The following CCSER1 variants were observed in gnomAD, a reference collection of about 807,000 sequenced individuals.
CCSER1 encodes coiled-coil serine rich protein 1.
A neutral mutation model predicts 82.0 loss-of-function variants in CCSER1; 41 were observed. The observed-to-expected ratio is 0.50, with a 90% CI of 0.39 to 0.65. CCSER1 has a LOEUF of 0.65. Among genes scored for constraint, CCSER1 ranks in the 30% least tolerant of loss-of-function variants. CCSER1 has a pLI of 0.00. For synonymous variants in CCSER1, 414 were observed against 383.9 expected, an observed-to-expected ratio of 1.08 and a Z score of -0.92; for missense variants, 1,119 against 1,064.2, an observed-to-expected ratio of 1.05 and a Z score of -0.72.
At chr4:91,264,843 T>G (rs547754235) in intron 10 of CCSER1, among the ~76,000 whole-genome samples, 45 of 152,076 alleles carry the variant, frequency 3.0e-4, no homozygotes, top group African/African-American at 1.1e-3. Flanking sequence ...TGATTATAAG[T>G]AGGAGGGTAA....
At chr4:90,701,599 G>C (rs769968096) in intron 6 of CCSER1, among the ~76,000 whole-genome samples, 9 of 152,132 alleles carry the variant, frequency 5.9e-5, no homozygotes, top group African/African-American at 1.7e-4. Flanking sequence ...TCACGATATT[G>C]ATTCTTCCTA....
At chr4:91,521,075 C>T (rs546417193) in intron 10 of CCSER1, among the ~76,000 whole-genome samples, 12 of 152,162 alleles carry the variant, frequency 7.9e-5, no homozygotes, top group South Asian at 6.2e-4. Flanking sequence ...TGATGTTCCC[C>T]GCAATGTGTC....
At chr4:90,304,709 T>G (rs1378340054) in intron 1 of CCSER1, among the ~76,000 whole-genome samples, 1 of 151,874 alleles carries the variant, frequency 6.6e-6, no homozygotes, top group Non-Finnish European at 1.5e-5. Context: ...GATGACAAGT[T>G]AATGGGTGCA....
chr4:90,198,052 C>A (rs114466869), intron 1 of CCSER1, among the ~76,000 whole-genome samples: 1 of 152,090 alleles, frequency 6.6e-6, no homozygotes, highest in Non-Finnish European at 1.5e-5. Flanking sequence ...TAAACATATA[C>A]ACCTATTATG....
rs1041369442 is a variant in CCSER1, at chr4:91,604,512, C to T, written c.*5455C>T. The T allele has an allele frequency of 6.6e-6, 1 of 151,938 alleles. No homozygotes were observed. The highest frequency in any genetic ancestry group is 1.5e-5 in the Non-Finnish European group (1 of 67,926). 9.4% of individuals were successfully genotyped at this position (151,938 alleles called of 1,614,324 possible). A position where few individuals can be genotyped will look rare whatever the true frequency, so the allele number is the denominator to read the frequency against. On this transcript the variant is annotated 3_prime_UTR_variant, in exon 11 of 11. Coordinates refer to ENST00000509176, the MANE Select transcript of CCSER1 (RefSeq NM_001145065.2). ...CTCTTGAAAGCAATTAGAAAAAATG[C>T]TAAGAAATGATTTTATATTTTTTAA...
chr4:90,568,803 C>T (rs1159382024), intron 5 of CCSER1, among the ~76,000 whole-genome samples: 2 of 150,296 alleles, frequency 1.3e-5, no homozygotes, highest in Admixed American at 6.6e-5. Context: ...CACTCTGTCG[C>T]CCAGGCTGCA....
intron 4 of CCSER1, among the ~76,000 whole-genome samples, chr4:90,433,228 T>C (rs1278003514): frequency 6.6e-6 from 1 of 152,134 alleles, no homozygotes; most frequent in Non-Finnish European, 1.5e-5. Flanking sequence ...CCATTATAAT[T>C]AATCTCAACA....
intron 5 of CCSER1, among the ~76,000 whole-genome samples, chr4:90,555,851 A>AT (rs954247761): frequency 5.3e-5 from 8 of 152,076 alleles, no homozygotes; most frequent in Non-Finnish European, 8.8e-5. Context: ...TACATCTTAG[A>AT]TTTCATAATA....
At chr4:91,483,137 G>GA (rs946680007) in intron 10 of CCSER1, among the ~76,000 whole-genome samples, 25 of 145,292 alleles carry the variant, frequency 1.7e-4, no homozygotes, top group South Asian at 8.7e-4. Context: ...TGACTTCCCA[G>GA]AAAAAAAAAA....
chr4:90,926,257 T>C (rs1729052394), intron 9 of CCSER1, among the ~76,000 whole-genome samples: 1 of 152,032 alleles, frequency 6.6e-6, no homozygotes, highest in Non-Finnish European at 1.5e-5. Context: ...AAATTGTGTT[T>C]ATTCAAAAAC....
chr4:91,603,049 G>T lies in CCSER1; in HGVS notation c.*3992G>T, dbSNP rs926118004. Reference sequence around the variant, plus strand: ...AAAACATGTCTTGTTTCTTTCTCATGTGGTAAATTTATCATGACAACTCTA... The same window carrying T: ...AAAACATGTCTTGTTTCTTTCTCATTTGGTAAATTTATCATGACAACTCTA... On this transcript the variant is annotated 3_prime_UTR_variant, in exon 11 of 11. Coordinates refer to ENST00000509176, the MANE Select transcript of CCSER1 (RefSeq NM_001145065.2). Among the ~76,000 whole-genome samples, 1 of 151,908 alleles carries T rather than the reference G, an allele frequency of 6.6e-6. No individual in the cohort carries two copies. The highest frequency in any genetic ancestry group is 2.4e-5 in the African/African-American group (1 of 41,384).
intron 4 of CCSER1, among the ~76,000 whole-genome samples, chr4:90,400,681 T>A (rs1752721336): frequency 6.6e-6 from 1 of 152,182 alleles, no homozygotes; most frequent in Non-Finnish European, 1.5e-5. Context: ...TTGAATGACT[T>A]GAGGGAGCCT....
intron 1 of CCSER1, among the ~76,000 whole-genome samples, chr4:90,166,962 G>C (rs192745650): frequency 6.6e-6 from 1 of 151,730 alleles, no homozygotes; most frequent in East Asian, 1.9e-4. Flanking sequence ...TGAGATAATT[G>C]CTTGTTGGAA....
intron 1 of CCSER1, among the ~76,000 whole-genome samples, chr4:90,139,910 G>T (rs1724421212): frequency 6.6e-6 from 1 of 152,104 alleles, no homozygotes; most frequent in South Asian, 2.1e-4. Context: ...AGTGAGCTGA[G>T]ATCATGCCAC....
intron 9 of CCSER1, among the ~76,000 whole-genome samples, chr4:90,999,366 C>G (rs1299150758): frequency 1.3e-5 from 2 of 152,140 alleles, no homozygotes; most frequent in Non-Finnish European, 2.9e-5. Flanking sequence ...TAAGCATTCT[C>G]TTTTCTCCAC....
intron 10 of CCSER1, among the ~76,000 whole-genome samples, chr4:91,462,869 ACTGGGTAGAGCCCACCT>A (rs958800286): frequency 3.7e-4 from 57 of 152,188 alleles, no homozygotes; most frequent in African/African-American, 1.4e-3. Context: ...GGAAGCTTGA[ACTGGGTAGAGCCCACCT>A]CTGCTCAAGG....
chr4:90,819,441 A>G (rs549164171), intron 8 of CCSER1, among the ~76,000 whole-genome samples: 10 of 152,182 alleles, frequency 6.6e-5, no homozygotes, highest in Non-Finnish European at 1.2e-4. Context: ...GTTCTACTAT[A>G]TATTTTTTTC....
At chr4:90,787,347 G>A (rs1367754747) in intron 7 of CCSER1, among the ~76,000 whole-genome samples, 1 of 152,132 alleles carries the variant, frequency 6.6e-6, no homozygotes, top group African/African-American at 2.4e-5. Flanking sequence ...TGTAGCAAAG[G>A]CCACGGAGTT....
At chr4:90,950,241 A>G (rs1732746121) in intron 9 of CCSER1, among the ~76,000 whole-genome samples, 1 of 152,142 alleles carries the variant, frequency 6.6e-6, no homozygotes. Context: ...GCTATATGTT[A>G]TAGATATCTG....
Sources: gnomAD v4.1 joint callset for allele counts (sites outside exome capture counted in the v4.1 genomes callset) on GRCh38, gnomAD v4.1.1 for gene constraint, MANE v1.5 for transcripts, NCBI Gene and HGNC (gene_info 2026-07-23, HGNC 2026-07-21) for gene names.